Variants in FRMD4A observed in about 807,000 individuals in gnomAD.
FRMD4A encodes FERM domain containing 4A.
A neutral mutation model predicts 129.1 loss-of-function variants in FRMD4A; 29 were observed. The ratio of observed to expected loss-of-function variants is 0.22; its 90% CI spans 0.17 to 0.31. FRMD4A has a LOEUF of 0.31. Ranked by LOEUF, FRMD4A falls within the 10% of genes least tolerant of loss-of-function variation. The probability of loss-of-function intolerance (pLI) is 1.00; values close to 1 mark genes in which losing one functional copy is unlikely to be tolerated. For synonymous variants in FRMD4A, 634 were observed against 571.6 expected, an observed-to-expected ratio of 1.11 and a Z score of -1.56; for missense variants, 1,272 against 1,375.8, an observed-to-expected ratio of 0.92 and a Z score of 1.19.
At chr10:14,157,164 A>G (rs1047107644) in intron 2 of FRMD4A, among the ~76,000 whole-genome samples, 3 of 152,218 alleles carry the variant, frequency 2.0e-5, no homozygotes, top group Non-Finnish European at 4.4e-5. Context: ...GGAATAGCCC[A>G]TACATCAGAC....
intron 2 of FRMD4A, among the ~76,000 whole-genome samples, chr10:13,980,607 C>T (rs772910311): frequency 2.6e-5 from 4 of 152,064 alleles, no homozygotes; most frequent in Non-Finnish European, 5.9e-5. Context: ...TAAGTCCCAG[C>T]TACTTGGGAA....
intron 2 of FRMD4A, among the ~76,000 whole-genome samples, chr10:14,005,802 G>T (rs1030065557): frequency 2.0e-5 from 3 of 152,132 alleles, no homozygotes; most frequent in Admixed American, 6.5e-5. Context: ...AACTCTCCAC[G>T]CCTTGGTTTC....
In FRMD4A at chr10:14,281,931, A is replaced by T. The variant is rs181126299; in HGVS notation, c.45+48127T>A. 4.1e-4 allele frequency among the ~76,000 whole-genome samples: 62 copies of T among 152,334 alleles called. 1 individual carries two copies. Among genetic ancestry groups the T allele is most frequent in the Non-Finnish European group, 2.9e-5 (2 of 68,032 alleles). On this transcript the variant is annotated intron_variant, in intron 2 of 24. Transcript: ENST00000357447. Reference sequence around the variant, plus strand: ...CCATTTTTACATTGCTGATAAAGACATACCCAGAGATTGGGTGATTTATAA... The same window carrying T: ...CCATTTTTACATTGCTGATAAAGACTTACCCAGAGATTGGGTGATTTATAA...
chr10:13,654,718 C>T, intron 22 of FRMD4A: 3 of 572,044 alleles, frequency 5.2e-6, no homozygotes, highest in Non-Finnish European at 9.3e-6. Flanking sequence ...CCAACCTCTG[C>T]ATCCCACCCA....
At chr10:13,884,188 A>ACTCC (rs1273130550) in intron 2 of FRMD4A, among the ~76,000 whole-genome samples, 1 of 97,052 alleles carries the variant, frequency 1.0e-5, no homozygotes, top group African/African-American at 4.2e-5. Context: ...ACACACACAC[A>ACTCC]CACACACTCA....
At chr10:13,973,402 T>C (rs1015613961) in intron 2 of FRMD4A, among the ~76,000 whole-genome samples, 2 of 152,166 alleles carry the variant, frequency 1.3e-5, no homozygotes, top group African/African-American at 4.8e-5. Context: ...CCCAGGCTGA[T>C]CTCAAGCTCC....
chr10:14,014,651 A>G (rs1284027440), intron 2 of FRMD4A, among the ~76,000 whole-genome samples: 1 of 152,206 alleles, frequency 6.6e-6, no homozygotes, highest in Admixed American at 6.5e-5. Flanking sequence ...ATGAAACCCA[A>G]TATCCGTAAG....
chr10:13,824,669 G>A (rs1041494181), intron 3 of FRMD4A, among the ~76,000 whole-genome samples: 1 of 151,970 alleles, frequency 6.6e-6, no homozygotes, highest in Non-Finnish European at 1.5e-5. Flanking sequence ...GAGGTGTGTG[G>A]AACACTTGAG....
At chr10:14,246,691 A>T (rs372464352) in intron 2 of FRMD4A, among the ~76,000 whole-genome samples, 8 of 152,184 alleles carry the variant, frequency 5.3e-5, no homozygotes, top group African/African-American at 1.9e-4. Flanking sequence ...ACTAAACACC[A>T]GGTCTGCCAG....
chr10:13,778,007 TGG>T (rs2092640278), intron 6 of FRMD4A, among the ~76,000 whole-genome samples: 1 of 151,964 alleles, frequency 6.6e-6, no homozygotes, highest in South Asian at 2.1e-4. Context: ...CTCACCATGT[TGG>T]TCAGGCTGGT....
At chr10:13,704,283 G>A (rs2087175736) in intron 13 of FRMD4A, among the ~76,000 whole-genome samples, 1 of 152,120 alleles carries the variant, frequency 6.6e-6, no homozygotes, top group African/African-American at 2.4e-5. Context: ...TAATGCTGAA[G>A]TCATCCCGGG....
chr10:14,038,993 C>CTTT (rs1360654416), intron 2 of FRMD4A, among the ~76,000 whole-genome samples: 1 of 152,178 alleles, frequency 6.6e-6, no homozygotes. Flanking sequence ...CCGTTAATTT[C>CTTT]TCAGGCAAAT....
At chr10:13,799,735 C>A (rs539087711) in intron 4 of FRMD4A, among the ~76,000 whole-genome samples, 2 of 152,186 alleles carry the variant, frequency 1.3e-5, no homozygotes, top group Non-Finnish European at 2.9e-5. Flanking sequence ...GAATGTTTAG[C>A]CATTGTGCAA....
At chr10:14,078,769 C>T (rs1835757320) in intron 2 of FRMD4A, among the ~76,000 whole-genome samples, 1 of 152,218 alleles carries the variant, frequency 6.6e-6, no homozygotes, top group African/African-American at 2.4e-5. Flanking sequence ...TCTCCTGGCT[C>T]CAAGCCCATG....
rs17154816 is a variant in FRMD4A at position 14,191,342 on chromosome 10, G to A, written c.45+138716C>T. Among the ~76,000 whole-genome samples the A allele has an allele frequency of 7.3e-3, 1,113 of 152,308 alleles. 9 individuals carry two copies. Among genetic ancestry groups the A allele is most frequent in the South Asian group, 0.046 (223 of 4,824 alleles). On this transcript the variant is annotated intron_variant, in intron 2 of 24. Transcript: ENST00000357447. ...ACACACAACTCATAAAACAACAGTC[G>A]TTGAGAGAAAGCAGAGGCTAATGGG...
intron 2 of FRMD4A, among the ~76,000 whole-genome samples, chr10:14,287,474 A>G: frequency 6.6e-6 from 1 of 152,182 alleles, no homozygotes; most frequent in East Asian, 1.9e-4. Context: ...CCTTAAGTGT[A>G]TTTTCTCTGA....
chr10:14,123,905 C>G (rs908734554), intron 2 of FRMD4A, among the ~76,000 whole-genome samples: 2 of 152,180 alleles, frequency 1.3e-5, no homozygotes, highest in Non-Finnish European at 2.9e-5. Flanking sequence ...ACCTTTCATA[C>G]TGAGATTGGC....
intron 2 of FRMD4A, among the ~76,000 whole-genome samples, chr10:14,313,149 T>A (rs1300265082): frequency 6.6e-6 from 1 of 151,958 alleles, no homozygotes; most frequent in Non-Finnish European, 1.5e-5. Context: ...GCCCAGGAGT[T>A]CCTGACCAGC....
intron 2 of FRMD4A, among the ~76,000 whole-genome samples, chr10:14,099,572 T>G (rs1837191513): frequency 6.6e-6 from 1 of 152,178 alleles, no homozygotes; most frequent in Non-Finnish European, 1.5e-5. Flanking sequence ...ATATGTAGGT[T>G]TCACAACCCG....
Sources: allele counts gnomAD v4.1 joint callset (sites outside exome capture counted in the v4.1 genomes callset), GRCh38; gene constraint gnomAD v4.1.1; transcripts MANE v1.5; gene names NCBI Gene and HGNC (gene_info 2026-07-23, HGNC 2026-07-21).